The following RNF123 variants were observed in gnomAD, a reference collection of about 807,000 sequenced individuals.
RNF123 encodes the protein E3 ubiquitin-protein ligase RNF123.
RNF123 carries 86 observed loss-of-function variants against 168.5 expected under a neutral mutation model. The ratio of observed to expected loss-of-function variants is 0.51; its 90% CI spans 0.43 to 0.61. The LOEUF is 0.61. Among genes scored for constraint, RNF123 ranks in the 20% least tolerant of loss-of-function variants. The pLI, the probability that RNF123 is intolerant of heterozygous loss-of-function variation, is 0.00. For missense variants in RNF123, 1,419 were observed against 1,729.7 expected (o/e 0.82, Z 3.19); for synonymous variants, 666 against 689.1 (o/e 0.97, Z 0.52).
At position 49,700,718 on chromosome 3, in the gene RNF123, T is replaced by TC. The variant is rs1218965167; in HGVS notation, c.1277+11dup. 2 of 1,613,974 alleles carry TC rather than the reference T, an allele frequency of 1.2e-6. No homozygotes were observed. Among genetic ancestry groups the TC allele is most frequent in the Non-Finnish European group, 1.7e-6 (2 of 1,180,016 alleles). On this transcript the variant is annotated intron_variant, in intron 15 of 38. Coordinates refer to ENST00000327697, the MANE Select transcript of RNF123 (RefSeq NM_022064.5). ...CTGCTTAGCAATGTCCTGTATCCTT[T>TC]CCTTGCTGCCTGGCAGGCCAGACAT...
chr3:49,713,722 C>A lies in RNF123; in HGVS notation c.2750-16C>A. 1 of 1,589,446 alleles carries A rather than the reference C, an allele frequency of 6.3e-7. No homozygotes were observed. Among genetic ancestry groups the A allele is most frequent in the Admixed American group, 1.8e-5 (1 of 56,040 alleles). On this transcript the variant is annotated splice_polypyrimidine_tract_variant and intron_variant, in intron 28 of 38. Transcript: ENST00000327697. ...CTCATGCCAAGCCCCTGCTGAGGCA[C>A]GGTGTGTCCCCGCAGACATCCGAGA...
chr3:49,706,365 C>T (rs779868603), intron 25 of RNF123, among the ~76,000 whole-genome samples: 11 of 152,220 alleles, frequency 7.2e-5, no homozygotes, highest in South Asian at 2.1e-4. Context: ...GGAAGCAGGG[C>T]CTGGCTCCAC....
At chr3:49,703,140 G>T (rs2054441439) in intron 20 of RNF123, among the ~76,000 whole-genome samples, 1 of 152,198 alleles carries the variant, frequency 6.6e-6, no homozygotes, top group Non-Finnish European at 1.5e-5. Context: ...TATCCCACAG[G>T]ACTGGGGCTG....
Position 49,721,320 on chromosome 3 carries a change from G to A in RNF123, c.*15G>A, listed in dbSNP as rs2080402094. 1.2e-6 allele frequency: 2 copies of A among 1,614,046 alleles called. No individual in the cohort carries two copies. Among genetic ancestry groups the A allele is most frequent in the African/African-American group, 2.7e-5 (2 of 74,930 alleles). ...CAGCTGCCTAGCCCTCACAGCCTGT[G>A]CCATCCTGGAACCTCCACCTTTGAA... is the stretch of plus-strand genomic sequence containing the variant. On this transcript the variant is annotated 3_prime_UTR_variant, in exon 39 of 39. Transcript: ENST00000327697.
chr3:49,713,392 G>C, intron 27 of RNF123, 121 bp from the exon 28 acceptor site: 1 of 904,408 alleles, frequency 1.1e-6, no homozygotes, highest in East Asian at 2.6e-5. Flanking sequence ...GCCACCCTGG[G>C]TCCAGGCTGG....
intron 27 of RNF123, chr3:49,713,132 C>A: frequency 1.7e-6 from 1 of 597,584 alleles, no homozygotes; most frequent in Middle Eastern, 4.0e-4. Flanking sequence ...CAGTGTATGT[C>A]TGGATCAGGC....
chr3:49,716,208 C>T (rs767095285), intron 34 of RNF123, 31 bp downstream of exon 34: 2 of 1,607,380 alleles, frequency 1.2e-6, no homozygotes, highest in Non-Finnish European at 1.7e-6. Context: ...CACCCCAACA[C>T]ACTACAGGCC....
Position 49,713,559 on chromosome 3 carries a change from C to T in RNF123, c.2721C>T (p.His907=), listed in dbSNP as rs753310549. Reference sequence around the variant, plus strand: ...GCCTGGCTGCCATTCTCGCCAAACACTTTGCCGACGCACGCATTGTGGGCA... The same window carrying T: ...GCCTGGCTGCCATTCTCGCCAAACATTTTGCCGACGCACGCATTGTGGGCA... ...LTRLAAILAK[H]FADARIVGTD... Residue 907 remains histidine (H), a synonymous_variant, in exon 28 of 39, where the codon CAC becomes CAT. Transcript: ENST00000327697. 1.2e-6 allele frequency: 2 copies of T among 1,612,734 alleles called. No homozygotes were observed. Among genetic ancestry groups the T allele is most frequent in the South Asian group, 1.1e-5 (1 of 90,664 alleles).
chr3:49,705,814 T>C (rs1269335361), intron 24 of RNF123, 135 bp downstream of exon 24: 4 of 1,464,616 alleles, frequency 2.7e-6, no homozygotes, highest in Non-Finnish European at 3.7e-6. Flanking sequence ...TCAGCGAGGC[T>C]GGTTTCTGCT....
Position 49,700,363 on chromosome 3 carries a change from T to TGACCTCA in RNF123, c.1110+13_1110+19dup, listed in dbSNP as rs1414166101. ...TGGCTCTTCATGGAGGTGAGGCTCC[T>TGACCTCA]GACCTCAGGCCTCAGGCCTGGCTGT... On this transcript the variant is annotated intron_variant, in intron 13 of 38. Transcript: ENST00000327697. The TGACCTCA allele has an allele frequency of 4.3e-6, 7 of 1,613,990 alleles. No homozygotes were observed. The African/African-American group carries it at 8.0e-5, about 18-fold the overall frequency.
rs1287394744 is a variant in RNF123, at chr3:49,694,665, CTT to C, written c.168-2475_168-2474del. 3.3e-5 allele frequency among the ~76,000 whole-genome samples: 5 copies of C among 152,248 alleles called. No homozygotes were observed. In the East Asian group the frequency reaches 9.6e-4, roughly 29 times the overall value. ...CCCTCATCAGCCTTAGCTGTTCTGT[CTT>C]TTACGACTTCTGCCCTTTAGGCAGG... On this transcript the variant is annotated intron_variant, in intron 3 of 38. Transcript: ENST00000327697.
chr3:49,718,290 G>A, intron 35 of RNF123: 2 of 1,613,098 alleles, frequency 1.2e-6, no homozygotes, highest in South Asian at 2.2e-5. Context: ...CAAGGCCCAC[G>A]GCACAGCCCA....
rs779352926 is a variant in RNF123, at chr3:49,719,290, A to G, written c.3501-1221A>G. Reference sequence around the variant, plus strand: ...GTCGAGGTCCGCAGTAGCGGCAGGTAACTCGGCTGGCACGTCCTGCAGCCC... The same window carrying G: ...GTCGAGGTCCGCAGTAGCGGCAGGTGACTCGGCTGGCACGTCCTGCAGCCC... On this transcript the variant is annotated intron_variant, in intron 35 of 38. Transcript: ENST00000327697. 6.2e-6 allele frequency: 10 copies of G among 1,613,006 alleles called. No individual in the cohort carries two copies. The highest frequency in any genetic ancestry group is 3.3e-4 in the Middle Eastern group (2 of 6,004).
At chr3:49,703,373 A>G in intron 20 of RNF123, 54 bp from the exon 21 acceptor site, 1 of 1,430,764 alleles carries the variant, frequency 7.0e-7, no homozygotes, top group African/African-American at 1.4e-5. Flanking sequence ...GGCTGTGGGG[A>G]GGGTCTTCCT....
chr3:49,697,158 C>G lies in RNF123; in HGVS notation c.183C>G (p.Phe61Leu). 3.1e-6 allele frequency: 5 copies of G among 1,614,086 alleles called. No homozygotes were observed. Among genetic ancestry groups the G allele is most frequent in the Non-Finnish European group, 4.2e-6 (5 of 1,180,002 alleles). ...CTCTCCCCAGGAAACCCCTGAACTTCCAGAACCTGCCAGAACATTTGGACC... is the reference window on the plus strand; with the variant it reads ...CTCTCCCCAGGAAACCCCTGAACTTGCAGAACCTGCCAGAACATTTGGACC... ...PAATSRKPLN[F>L]QNLPEHLDQL... Residue 61 changes from phenylalanine to leucine, a missense_variant, in exon 4 of 39, where the codon TTC becomes TTG. Phe to Leu is a conservative substitution (Grantham distance 22, BLOSUM62 0). Transcript: ENST00000327697.
At chr3:49,718,677 G>A (rs1160068059) in intron 35 of RNF123, 1 of 1,613,026 alleles carries the variant, frequency 6.2e-7, no homozygotes, top group South Asian at 1.1e-5. Context: ...TGTGCTGGAA[G>A]AAGCGCACGC....
At chr3:49,712,840 A>C in intron 27 of RNF123, 184 bp downstream of exon 27, 1 of 730,098 alleles carries the variant, frequency 1.4e-6, no homozygotes, top group Non-Finnish European at 2.4e-6. Flanking sequence ...TGGGACCTGC[A>C]GCCACAGAGC....
rs1404450347 is a variant in RNF123 at position 49,700,318 on chromosome 3, A to G, written c.1076A>G (p.His359Arg). The change falls in exon 13 of 39, where the codon CAC (histidine) becomes CGC (arginine). Residue 359 changes from histidine (H) to arginine (R), a missense_variant. Physicochemically the swap from His to Arg is conservative, Grantham distance 29. This residue lies in a region of RNF123 where 349 missense variants were observed against 344.9 expected (regional missense o/e 1.01). Coordinates refer to ENST00000327697, the MANE Select transcript of RNF123 (RefSeq NM_022064.5). ...CCCACACAGGCACAGTCCGTGGTGCACCAGGTCCTGGACCTCTTGTGGCTC... is the reference window on the plus strand; with the variant it reads ...CCCACACAGGCACAGTCCGTGGTGCGCCAGGTCCTGGACCTCTTGTGGCTC... ...GTPTQAQSVV[H>R]QVLDLLWLFM... The G allele has an allele frequency of 1.2e-6, 2 of 1,614,106 alleles. No homozygotes were observed. Among genetic ancestry groups the G allele is most frequent in the Non-Finnish European group, 1.7e-6 (2 of 1,180,040 alleles).
At position 49,691,464 on chromosome 3, in the gene RNF123, G is replaced by T. The variant is rs200303852; in HGVS notation, c.122G>T (p.Arg41Leu). 20 of 1,614,074 alleles carry T rather than the reference G, an allele frequency of 1.2e-5. No homozygotes were observed. The South Asian group carries it at 1.6e-4, about 13-fold the overall frequency. The change falls in exon 3 of 39, where the codon CGC becomes CTC. Residue 41 changes from arginine (R) to leucine (L), a missense_variant. Arg to Leu is a moderately radical substitution (Grantham distance 102). Around this residue, in one of 5 missense-constraint regions of RNF123, gnomAD observed 318 missense variants for 446.6 expected, o/e 0.71. Transcript: ENST00000327697. Reference sequence around the variant, plus strand: ...AAGCTGCTGAATGACTACCTGAACCGCATCTTTTCCTCTTCTGAACATGCA... The same window carrying T: ...AAGCTGCTGAATGACTACCTGAACCTCATCTTTTCCTCTTCTGAACATGCA... ...QEKLLNDYLN[R>L]IFSSSEHAPP... is the part of the protein sequence containing the mutation.
Sources: allele counts gnomAD v4.1 joint callset (sites outside exome capture counted in the v4.1 genomes callset), GRCh38; gene constraint gnomAD v4.1.1; regional missense constraint gnomAD v4.1.1; transcripts MANE v1.5; gene names NCBI Gene and HGNC (gene_info 2026-07-23, HGNC 2026-07-21).